The following SPTLC3 variants were observed in gnomAD, a reference collection of about 807,000 sequenced individuals.
The protein encoded by SPTLC3 is serine palmitoyltransferase 3.
A neutral mutation model predicts 59.3 loss-of-function variants in SPTLC3; 36 were observed. The ratio of observed to expected loss-of-function variants is 0.61; its 90% CI spans 0.47 to 0.80. The LOEUF is 0.80. SPTLC3 is among the 30% of genes least tolerant of loss of function. The pLI, the probability that SPTLC3 is intolerant of heterozygous loss-of-function variation, is 0.00. For missense variants in SPTLC3, 625 were observed against 685.1 expected (o/e 0.91, Z 0.98); for synonymous variants, 257 against 240.8 (o/e 1.07, Z -0.62).
Position 13,160,048 on chromosome 20 carries a change from C to T in SPTLC3, c.1461C>T (p.Val487=), listed in dbSNP as rs1252432716. 1.2e-6 allele frequency: 2 copies of T among 1,612,700 alleles called. No homozygotes were observed. Among genetic ancestry groups the T allele is most frequent in the East Asian group, 2.2e-5 (1 of 44,818 alleles). The change falls in exon 11 of 12, where the codon GTC becomes GTT. Residue 487 remains valine (V), a synonymous_variant. Transcript: ENST00000399002. ...TAGAGAAAAAAATTGGAGTGGTGGT[C>T]GTGGGATTTCCAGCCACTCCCCTCG... The part of the protein sequence containing the change: ...HMLEKKIGVV[V]VGFPATPLAE...
chr20:13,111,940 T>C (rs764748912), intron 7 of SPTLC3, among the ~76,000 whole-genome samples: 12 of 152,260 alleles, frequency 7.9e-5, no homozygotes, highest in Non-Finnish European at 1.6e-4. Flanking sequence ...TTAGTGGCCA[T>C]GCCAGGCGCC....
Position 13,049,005 on chromosome 20 carries a change from C to T in SPTLC3, c.178C>T (p.Leu60Phe), listed in dbSNP as rs1380540894. ...LIVESFEEAP[L>F]HVMVFTYMGY... ...TGTTGAATCGTTTGAGGAAGCACCCCTTCATGTTATGGTTTTCACTTACAT... is the reference window on the plus strand; with the variant it reads ...TGTTGAATCGTTTGAGGAAGCACCCTTTCATGTTATGGTTTTCACTTACAT... The change falls in exon 2 of 12, where the codon CTT (leucine) becomes TTT (phenylalanine). Residue 60 changes from leucine (L) to phenylalanine (F), a missense_variant. Leu to Phe is a conservative substitution (Grantham distance 22, BLOSUM62 0). Transcript: ENST00000399002. 1.2e-6 allele frequency: 2 copies of T among 1,608,296 alleles called. No individual in the cohort carries two copies. Among genetic ancestry groups the T allele is most frequent in the South Asian group, 2.2e-5 (2 of 89,716 alleles).
At chr20:13,013,128 G>C (rs1411128220) in intron 1 of SPTLC3, among the ~76,000 whole-genome samples, 1 of 152,208 alleles carries the variant, frequency 6.6e-6, no homozygotes, top group Non-Finnish European at 1.5e-5. Flanking sequence ...CTGAGGTGGT[G>C]CTCAGCAGAT....
intron 4 of SPTLC3, among the ~76,000 whole-genome samples, chr20:13,088,148 C>A (rs1013568138): frequency 3.9e-5 from 6 of 152,126 alleles, no homozygotes; most frequent in African/African-American, 1.4e-4. Context: ...TAGGTAAACG[C>A]GTATCTGGCA....
chr20:13,041,908 T>C (rs1457598866), intron 1 of SPTLC3, among the ~76,000 whole-genome samples: 5 of 152,208 alleles, frequency 3.3e-5, no homozygotes, highest in Non-Finnish European at 5.9e-5. Context: ...GAAGCTTCTA[T>C]ATGACTGTGC....
At chr20:13,075,015 T>C (rs1013952951) in intron 4 of SPTLC3, among the ~76,000 whole-genome samples, 5 of 152,172 alleles carry the variant, frequency 3.3e-5, no homozygotes, top group Non-Finnish European at 7.3e-5. Context: ...TAGTAACATC[T>C]GTGAGAAGGA....
At chr20:13,108,070 G>T (rs1377884564) in intron 6 of SPTLC3, among the ~76,000 whole-genome samples, 4 of 152,138 alleles carry the variant, frequency 2.6e-5, no homozygotes, top group African/African-American at 4.8e-5. Context: ...TGAATTTCAG[G>T]ACCCGATACC....
chr20:13,083,856 C>T (rs771247627), intron 4 of SPTLC3, among the ~76,000 whole-genome samples: 52 of 152,308 alleles, frequency 3.4e-4, no homozygotes, highest in Non-Finnish European at 5.7e-4. Flanking sequence ...CTGGTCAACA[C>T]TGTTGGCCCA....
chr20:13,014,435 G>T (rs1286552901), intron 1 of SPTLC3, among the ~76,000 whole-genome samples: 1 of 152,176 alleles, frequency 6.6e-6, no homozygotes, highest in Non-Finnish European at 1.5e-5. Flanking sequence ...AGAGGGAAAG[G>T]CTGTTAGAAG....
chr20:13,122,240 T>A (rs2037883189), intron 8 of SPTLC3, among the ~76,000 whole-genome samples: 1 of 152,168 alleles, frequency 6.6e-6, no homozygotes, highest in South Asian at 2.1e-4. Flanking sequence ...CTCAAGGAAG[T>A]TTCAGTCCCT....
chr20:13,054,413 T>C (rs1406487105), intron 2 of SPTLC3, among the ~76,000 whole-genome samples: 1 of 151,690 alleles, frequency 6.6e-6, no homozygotes, highest in Non-Finnish European at 1.5e-5. Context: ...AACAGAGAGA[T>C]CAAAAAAGAC....
chr20:13,133,767 T>G (rs566773131), intron 9 of SPTLC3, among the ~76,000 whole-genome samples: 1 of 152,126 alleles, frequency 6.6e-6, no homozygotes, highest in African/African-American at 2.4e-5. Context: ...TTAGGGGAAC[T>G]TACGTACAGG....
intron 6 of SPTLC3, among the ~76,000 whole-genome samples, chr20:13,098,231 TAAAG>T (rs2122646531): frequency 6.6e-6 from 1 of 152,280 alleles, no homozygotes; most frequent in African/African-American, 2.4e-5. Flanking sequence ...ACCCTATTCT[TAAAG>T]AAGACACATT....
At chr20:13,135,326 T>C (rs1407980571) in intron 9 of SPTLC3, among the ~76,000 whole-genome samples, 1 of 152,152 alleles carries the variant, frequency 6.6e-6, no homozygotes, top group Non-Finnish European at 1.5e-5. Flanking sequence ...GAATGGTCTC[T>C]CCTATAATTA....
At chr20:13,111,750 G>A (rs767842914) in intron 7 of SPTLC3, among the ~76,000 whole-genome samples, 1 of 152,076 alleles carries the variant, frequency 6.6e-6, no homozygotes, top group African/African-American at 2.4e-5. Context: ...GAGCAGACTG[G>A]GCATCTCCTT....
At chr20:13,056,138 C>A (rs1024088806) in intron 2 of SPTLC3, among the ~76,000 whole-genome samples, 4 of 152,094 alleles carry the variant, frequency 2.6e-5, no homozygotes, top group African/African-American at 9.7e-5. Flanking sequence ...CAACACTTGC[C>A]CCTGTTGCTA....
Position 13,074,275 on chromosome 20 carries a change from T to C in SPTLC3, c.459-74T>C. On this transcript the variant is annotated intron_variant, in intron 3 of 11. Coordinates refer to ENST00000399002, the MANE Select transcript of SPTLC3 (RefSeq NM_018327.4). ...TTTTTCTTCATAGGAACCCAAGTCT[T>C]CCACCAGGGATTTTTTGAATCGTGC... is the stretch of plus-strand genomic sequence containing the variant. 3 of 1,571,386 alleles carry C rather than the reference T, an allele frequency of 1.9e-6. No individual in the cohort carries two copies. In the South Asian group the frequency reaches 3.5e-5, roughly 18 times the overall value.
intron 4 of SPTLC3, among the ~76,000 whole-genome samples, chr20:13,088,878 G>A (rs909983766): frequency 5.5e-5 from 8 of 146,062 alleles, no homozygotes; most frequent in South Asian, 2.2e-4. Context: ...TAATCTGCCC[G>A]CCTCAGTCTC....
chr20:13,121,173 C>T (rs1255360283), intron 8 of SPTLC3, among the ~76,000 whole-genome samples: 2 of 152,190 alleles, frequency 1.3e-5, no homozygotes, highest in Non-Finnish European at 2.9e-5. Context: ...TGGTGCCGAA[C>T]ACTGGCTCCC....
Sources: gnomAD v4.1 joint callset for allele counts (sites outside exome capture counted in the v4.1 genomes callset) on GRCh38, gnomAD v4.1.1 for gene constraint, MANE v1.5 for transcripts, NCBI Gene and HGNC (gene_info 2026-07-23, HGNC 2026-07-21) for gene names.